The following MTHFD1L variants were observed in gnomAD, a reference collection of about 807,000 sequenced individuals.
MTHFD1L encodes methylenetetrahydrofolate dehydrogenase (NADP+ dependent) 1 like.
Under a neutral mutation model 119.5 loss-of-function variants are expected in MTHFD1L, and 81 were observed. That is an observed-to-expected ratio of 0.68 (90% CI 0.57 to 0.82). The LOEUF (loss-of-function observed/expected upper bound fraction) is 0.82, where lower values mean the gene tolerates loss of function less well. Among genes scored for constraint, MTHFD1L ranks in the 40% least tolerant of loss-of-function variants. MTHFD1L has a pLI of 0.00. For missense variants in MTHFD1L, 1,125 were observed against 1,253.4 expected, an observed-to-expected ratio of 0.90 and a Z score of 1.55; for synonymous variants, 430 against 475.2, an observed-to-expected ratio of 0.90 and a Z score of 1.24.
chr6:150,979,593 C>T (rs1363494197), intron 20 of MTHFD1L, among the ~76,000 whole-genome samples: 12 of 152,020 alleles, frequency 7.9e-5, no homozygotes, highest in Non-Finnish European at 1.6e-4. Context: ...CTCCGCCTCC[C>T]GGGTTCAAGC....
chr6:150,940,681 A>G (rs988341472), intron 13 of MTHFD1L, among the ~76,000 whole-genome samples: 1 of 151,962 alleles, frequency 6.6e-6, no homozygotes, highest in Admixed American at 6.6e-5. Context: ...CCCAGGTTCA[A>G]GTGATTCTCC....
intron 20 of MTHFD1L, among the ~76,000 whole-genome samples, chr6:150,984,494 G>A (rs1311783220): frequency 6.6e-6 from 1 of 150,902 alleles, no homozygotes; most frequent in Non-Finnish European, 1.5e-5. Flanking sequence ...TCTACACGGT[G>A]CACTGGGAAT....
chr6:150,921,182 C>T (rs1562381818), intron 9 of MTHFD1L, among the ~76,000 whole-genome samples: 2 of 151,412 alleles, frequency 1.3e-5, no homozygotes, highest in African/African-American at 2.4e-5. Context: ...TGCAATGGCA[C>T]GATCTCAGCT....
intron 8 of MTHFD1L, among the ~76,000 whole-genome samples, chr6:150,916,907 A>G (rs992461176): frequency 4.0e-5 from 6 of 149,892 alleles, no homozygotes; most frequent in Admixed American, 6.7e-5. Flanking sequence ...GATTACAGGC[A>G]TGTGCCACCA....
At chr6:150,870,792 TC>T (rs1000544973) in intron 1 of MTHFD1L, among the ~76,000 whole-genome samples, 2 of 151,602 alleles carry the variant, frequency 1.3e-5, no homozygotes, top group Non-Finnish European at 2.9e-5. Flanking sequence ...GCGCCTGTAG[TC>T]CTGGCCACTT....
intron 20 of MTHFD1L, among the ~76,000 whole-genome samples, chr6:151,007,902 CTTTG>C (rs1218865356): frequency 2.0e-5 from 3 of 152,170 alleles, no homozygotes. Flanking sequence ...TGTTCTGCCA[CTTTG>C]TTTGTTCAAA....
Position 151,039,493 on chromosome 6 carries a change from A to G in MTHFD1L, c.2847+2376A>G, listed in dbSNP as rs1350678228. Reference sequence around the variant, plus strand: ...GGACTCAAACTCCTGGGCTCAAGCAATCCTCCCACCTCAGCTTCCCAAGTA... The same window carrying G: ...GGACTCAAACTCCTGGGCTCAAGCAGTCCTCCCACCTCAGCTTCCCAAGTA... On this transcript the variant is annotated intron_variant, in intron 26 of 27. Transcript: ENST00000367321. The surrounding 1 kb of genome is among the most constrained non-coding windows in gnomAD (Gnocchi z 4.4). 2.0e-5 allele frequency among the ~76,000 whole-genome samples: 3 copies of G among 152,148 alleles called. No individual in the cohort carries two copies. The highest frequency in any genetic ancestry group is 4.4e-5 in the Non-Finnish European group (3 of 68,036).
At chr6:151,048,281 C>A (rs1788424429) in intron 26 of MTHFD1L, among the ~76,000 whole-genome samples, 1 of 151,324 alleles carries the variant, frequency 6.6e-6, no homozygotes, top group South Asian at 2.1e-4. Flanking sequence ...CACACCTCTT[C>A]ACTTGTGCCG....
intron 21 of MTHFD1L, among the ~76,000 whole-genome samples, chr6:151,010,826 T>C (rs1782106301): frequency 6.6e-6 from 1 of 152,354 alleles, no homozygotes; most frequent in African/African-American, 2.4e-5. Context: ...CAAATCTGAT[T>C]TCTTAATTGG....
chr6:151,057,905 A>C (rs1347079481), intron 26 of MTHFD1L, among the ~76,000 whole-genome samples: 1 of 152,096 alleles, frequency 6.6e-6, no homozygotes, highest in South Asian at 2.1e-4. Context: ...CAGCCTCCCA[A>C]GTAGCTGGGA....
At chr6:151,014,097 C>A (rs1039815895) in intron 22 of MTHFD1L, among the ~76,000 whole-genome samples, 1 of 152,168 alleles carries the variant, frequency 6.6e-6, no homozygotes, top group South Asian at 2.1e-4. Context: ...TGGTGGCTCA[C>A]GCCTGTAGTC....
At chr6:150,884,774 A>G (rs1781946846) in intron 5 of MTHFD1L, among the ~76,000 whole-genome samples, 1 of 152,196 alleles carries the variant, frequency 6.6e-6, no homozygotes, top group South Asian at 2.1e-4. Flanking sequence ...TTGAACAGGG[A>G]AAGGCACAGA....
At chr6:150,980,356 G>A (rs1266344380) in intron 20 of MTHFD1L, among the ~76,000 whole-genome samples, 2 of 152,018 alleles carry the variant, frequency 1.3e-5, no homozygotes, top group African/African-American at 4.8e-5. Flanking sequence ...CTGTCTGTTC[G>A]GCCCTTGTCC....
intron 1 of MTHFD1L, among the ~76,000 whole-genome samples, chr6:150,873,135 T>C (rs1024742257): frequency 2.0e-5 from 3 of 152,034 alleles, no homozygotes; most frequent in South Asian, 2.1e-4. Context: ...GCCAACTTGG[T>C]GAAATCCTGT....
intron 20 of MTHFD1L, among the ~76,000 whole-genome samples, chr6:150,996,906 T>A (rs935323664): frequency 1.3e-5 from 2 of 152,194 alleles, no homozygotes; most frequent in Non-Finnish European, 2.9e-5. Context: ...TGAATTCGCC[T>A]GCTTTCTAGG....
chr6:150,921,339 G>A (rs1456160205), intron 9 of MTHFD1L, among the ~76,000 whole-genome samples: 1 of 151,956 alleles, frequency 6.6e-6, no homozygotes. Context: ...GGCTGGTCTC[G>A]AACTCCCGAC....
In MTHFD1L at chr6:151,059,355, T is replaced by TTAG. The variant is rs200740351; in HGVS notation, c.2847+22242_2847+22244dup. Among the ~76,000 whole-genome samples the TTAG allele has an allele frequency of 9.3e-3, 1,411 of 152,066 alleles. 15 individuals carry two copies. The highest frequency in any genetic ancestry group is 0.032 in the African/African-American group (1,343 of 41,490). On this transcript the variant is annotated intron_variant, in intron 26 of 27. Transcript: ENST00000367321. The stretch of plus-strand genomic sequence containing the variant: ...CCACCACGCACAGCTAATTTTTGTA[T>TTAG]TAGTAGAGTTGGGGTTTTGCCATGT...
rs1486067012 is a variant in MTHFD1L at position 150,949,080 on chromosome 6, T to G, written c.1673T>G (p.Val558Gly). 6.2e-7 allele frequency: 1 copy of G among 1,613,858 alleles called. No homozygotes were observed. The highest frequency in any genetic ancestry group is 2.2e-5 in the East Asian group (1 of 44,886). Residue 558 changes from valine to glycine, a missense_variant, in exon 16 of 28, where the codon GTG becomes GGG. Physicochemically the swap from Val to Gly is moderately radical, Grantham distance 109. This residue lies in a region of MTHFD1L where 1,058 missense variants were observed against 1,151.2 expected (regional missense o/e 0.92). Transcript: ENST00000367321. ...TDPSTLTEEEVSKFARLDIDP... is the reference protein window; with the variant it reads ...TDPSTLTEEEGSKFARLDIDP... ...CCGAGCACACTGACAGAAGAGGAAGTGAGTAAATTTGCCCGTCTCGACATC... is the reference window on the plus strand; with the variant it reads ...CCGAGCACACTGACAGAAGAGGAAGGGAGTAAATTTGCCCGTCTCGACATC...
chr6:151,026,793 A>C (rs1278306167), intron 24 of MTHFD1L, among the ~76,000 whole-genome samples: 1 of 64,202 alleles, frequency 1.6e-5, no homozygotes, highest in African/African-American at 5.9e-5. Flanking sequence ...TTCTTTGCCT[A>C]TTGAGATTTT....
Sources: gnomAD v4.1 joint callset for allele counts (sites outside exome capture counted in the v4.1 genomes callset) on GRCh38, gnomAD v4.1.1 for gene constraint, gnomAD v4.1.1 regional missense constraint, Gnocchi (gnomAD v3.1) non-coding constraint, MANE v1.5 for transcripts, NCBI Gene and HGNC (gene_info 2026-07-23, HGNC 2026-07-21) for gene names.